Variants in SLC6A2 observed in about 807,000 individuals in gnomAD.
SLC6A2 encodes the protein sodium-dependent noradrenaline transporter.
SLC6A2 carries 26 observed loss-of-function variants against 71.7 expected under a neutral mutation model. That is an observed-to-expected ratio of 0.36 (90% CI 0.27 to 0.50). The LOEUF (loss-of-function observed/expected upper bound fraction) is 0.50, where lower values mean the gene tolerates loss of function less well. Among genes scored for constraint, SLC6A2 ranks in the 20% least tolerant of loss-of-function variants. The pLI is 0.96. For synonymous variants in SLC6A2, 363 were observed against 337.9 expected (o/e 1.07, Z -0.82); for missense variants, 581 against 803.9 (o/e 0.72, Z 3.35).
Position 55,706,151 on chromosome 16 carries a change from A to G in SLC6A2, c.*3805A>G, listed in dbSNP as rs1457704123. 6.6e-6 allele frequency: 1 copy of G among 152,262 alleles called. No homozygotes were observed. Among genetic ancestry groups the G allele is most frequent in the African/African-American group, 2.4e-5 (1 of 41,464 alleles). 9.4% of individuals were successfully genotyped at this position (152,262 alleles called of 1,614,324 possible). On this transcript the variant is annotated 3_prime_UTR_variant, in exon 15 of 15. Transcript: ENST00000568943. ...TTAAAAGTTGTTCTCTTTGTGGAAT[A>G]TAAGTGTACAGAATAATAAATAATG...
chr16:55,664,924 A>C (rs1432383426), intron 2 of SLC6A2, among the ~76,000 whole-genome samples: 2 of 152,074 alleles, frequency 1.3e-5, no homozygotes. Flanking sequence ...CAATACCCGG[A>C]CGGTGGAATT....
intron 3 of SLC6A2, chr16:55,671,542 C>T (rs1475655837): frequency 2.4e-6 from 1 of 412,716 alleles, no homozygotes; most frequent in Non-Finnish European, 4.3e-6. Flanking sequence ...AGTGAAGCTT[C>T]ATCTGTATTT....
intron 2 of SLC6A2, among the ~76,000 whole-genome samples, chr16:55,657,194 A>T (rs1964481125): frequency 6.6e-6 from 1 of 152,196 alleles, no homozygotes; most frequent in South Asian, 2.1e-4. Flanking sequence ...TTCCAGCGGA[A>T]GTGTCAGGAT....
intron 3 of SLC6A2, among the ~76,000 whole-genome samples, chr16:55,671,034 G>T (rs915867449): frequency 6.6e-6 from 1 of 152,234 alleles, no homozygotes; most frequent in Non-Finnish European, 1.5e-5. Flanking sequence ...GAAGCAGGTG[G>T]CTGAGAGTAG....
At chr16:55,663,053 GC>G (rs1964652662) in intron 2 of SLC6A2, among the ~76,000 whole-genome samples, 1 of 152,176 alleles carries the variant, frequency 6.6e-6, no homozygotes, top group Non-Finnish European at 1.5e-5. Flanking sequence ...CCTATAATGA[GC>G]CCCAGGTTGT....
chr16:55,693,115 G>A (rs1315469746), intron 6 of SLC6A2, among the ~76,000 whole-genome samples: 2 of 152,170 alleles, frequency 1.3e-5, no homozygotes, highest in Admixed American at 6.5e-5. Flanking sequence ...GGCTGGGCGC[G>A]GTGGCTCACG....
intron 6 of SLC6A2, among the ~76,000 whole-genome samples, chr16:55,692,922 T>A (rs1415191874): frequency 6.6e-6 from 1 of 152,202 alleles, no homozygotes; most frequent in African/African-American, 2.4e-5. Context: ...GCATAAGACA[T>A]GAATCAGCCT....
intron 10 of SLC6A2, 142 bp downstream of exon 10, chr16:55,698,167 C>T: frequency 2.2e-6 from 2 of 915,454 alleles, no homozygotes; most frequent in Non-Finnish European, 3.5e-6. Context: ...GCGGCCTGAC[C>T]CACTAGGGTT....
At chr16:55,661,756 G>T (rs1201297680) in intron 2 of SLC6A2, among the ~76,000 whole-genome samples, 1 of 152,178 alleles carries the variant, frequency 6.6e-6, no homozygotes, top group Non-Finnish European at 1.5e-5. Flanking sequence ...GGTAAATGGG[G>T]TTTATAATTC....
In SLC6A2 at chr16:55,704,173, T is replaced by TGTTC. The variant is rs1966053014; in HGVS notation, c.*1830_*1831insCGTT. ...TCTTTTCGTTTTTTGTTTTTGTTTTTGTTTGTTTGTTTGTTTGTTTGTAAT... is the reference window on the plus strand; with the variant it reads ...TCTTTTCGTTTTTTGTTTTTGTTTTTGTTCGTTTGTTTGTTTGTTTGTTTGTAAT... On this transcript the variant is annotated 3_prime_UTR_variant, in exon 15 of 15. Transcript: ENST00000568943. 1 of 137,050 alleles carries TGTTC rather than the reference T, an allele frequency of 7.3e-6. No homozygotes were observed. Among genetic ancestry groups the TGTTC allele is most frequent in the South Asian group, 2.1e-4 (1 of 4,778 alleles). The allele number at this position is 137,050 out of a possible 1,614,324, so 8.5% of individuals were successfully genotyped here. A position where few individuals can be genotyped will look rare whatever the true frequency, so the allele number is the denominator to read the frequency against.
intron 6 of SLC6A2, 144 bp from the exon 7 acceptor site, chr16:55,693,866 G>T: frequency 4.1e-6 from 3 of 734,744 alleles, no homozygotes; most frequent in Non-Finnish European, 7.5e-6. Flanking sequence ...AGGGGAGGGA[G>T]TTGCCAGGGC....
Position 55,691,973 on chromosome 16 carries a change from A to C in SLC6A2, c.839A>C (p.His280Pro). ...TTCGTGCTGTTCGTGCTCCTGGTCC[A>C]TGGCGTCACGCTGCCCGGAGCCTCC... ...PYFVLFVLLVHGVTLPGASNG... is the reference protein window; with the variant it reads ...PYFVLFVLLVPGVTLPGASNG... The change falls in exon 6 of 15, where the codon CAT becomes CCT. Residue 280 changes from histidine to proline, a missense_variant. Physicochemically the swap from His to Pro is moderately conservative, Grantham distance 77. Around this residue, in one of 5 missense-constraint regions of SLC6A2, gnomAD observed 334 missense variants for 449.0 expected, o/e 0.74. Transcript: ENST00000568943. The C allele has an allele frequency of 1.2e-6, 2 of 1,614,174 alleles. No homozygotes were observed. Among genetic ancestry groups the C allele is most frequent in the Non-Finnish European group, 1.7e-6 (2 of 1,180,030 alleles).
At chr16:55,702,056 C>A (rs1355279311) in intron 14 of SLC6A2, 122 bp downstream of exon 14, 6 of 849,540 alleles carry the variant, frequency 7.1e-6, no homozygotes, top group East Asian at 2.5e-5. Context: ...TGTGAGCTGC[C>A]TTTTCCCCTT....
Position 55,702,558 on chromosome 16 carries a change from G to A in SLC6A2, c.*212G>A. 1 of 1,457,098 alleles carries A rather than the reference G, an allele frequency of 6.9e-7. No individual in the cohort carries two copies. Among genetic ancestry groups the A allele is most frequent in the East Asian group, 2.5e-5 (1 of 39,772 alleles). 90.3% of individuals were successfully genotyped at this position (1,457,098 alleles called of 1,614,324 possible). On this transcript the variant is annotated 3_prime_UTR_variant, in exon 15 of 15. Transcript: ENST00000568943. ...CTGGGGGCTGTTAGCTCAGAGGAGA[G>A]GAGCAAACAGGAAAATGACTTCTGT...
intron 4 of SLC6A2, among the ~76,000 whole-genome samples, chr16:55,680,152 G>T (rs1221958785): frequency 1.3e-5 from 2 of 152,206 alleles, no homozygotes; most frequent in African/African-American, 4.8e-5. Flanking sequence ...CAGGAGAGTG[G>T]CAAGGTTAGA....
chr16:55,702,370 A>G lies in SLC6A2; in HGVS notation c.*24A>G, dbSNP rs1394311440. ...GAGCCTGCCTGGAGGAGAAGGAGGA[A>G]CCCCCATGCCAATGTCCAGGTCACA... On this transcript the variant is annotated 3_prime_UTR_variant, in exon 15 of 15. Transcript: ENST00000568943. 1 of 1,613,910 alleles carries G rather than the reference A, an allele frequency of 6.2e-7. No homozygotes were observed. Among genetic ancestry groups the G allele is most frequent in the Non-Finnish European group, 8.5e-7 (1 of 1,179,968 alleles).
rs1353218081 is a variant in SLC6A2, at chr16:55,702,540, C to A, written c.*194C>A. 5 of 1,492,742 alleles carry A rather than the reference C, an allele frequency of 3.3e-6. No individual in the cohort carries two copies. Among genetic ancestry groups the A allele is most frequent in the Non-Finnish European group, 4.5e-6 (5 of 1,118,986 alleles). The allele number at this position is 1,492,742 out of a possible 1,614,324, so 92.5% of individuals were successfully genotyped here. A position where few individuals can be genotyped will look rare whatever the true frequency, so the allele number is the denominator to read the frequency against. ...ACCTTCTGTGCATCTGGCCTGGGGG[C>A]TGTTAGCTCAGAGGAGAGGAGCAAA... On this transcript the variant is annotated 3_prime_UTR_variant, in exon 15 of 15. Coordinates refer to ENST00000568943, the MANE Select transcript of SLC6A2 (RefSeq NM_001172501.3).
rs1170138963 is a variant in SLC6A2 at position 55,672,190 on chromosome 16, C to T, written c.644+15C>T. On this transcript the variant is annotated intron_variant, in intron 4 of 14. Coordinates refer to ENST00000568943, the MANE Select transcript of SLC6A2 (RefSeq NM_001172501.3). Reference sequence around the variant, plus strand: ...GAGTTTTATGAGTAAGTCACAGACCCCTTGTGCTGGGCCTGTTGAGGCCAG... The same window carrying T: ...GAGTTTTATGAGTAAGTCACAGACCTCTTGTGCTGGGCCTGTTGAGGCCAG... The T allele has an allele frequency of 6.2e-7, 1 of 1,614,122 alleles. No homozygotes were observed. Among genetic ancestry groups the T allele is most frequent in the Admixed American group, 1.7e-5 (1 of 60,016 alleles).
chr16:55,698,166 C>T, intron 10 of SLC6A2, 141 bp downstream of exon 10: 1 of 921,318 alleles, frequency 1.1e-6, no homozygotes, highest in East Asian at 2.4e-5. Context: ...AGCGGCCTGA[C>T]CCACTAGGGT....
Sources: allele counts gnomAD v4.1 joint callset (sites outside exome capture counted in the v4.1 genomes callset), GRCh38; gene constraint gnomAD v4.1.1; regional missense constraint gnomAD v4.1.1; transcripts MANE v1.5; gene names NCBI Gene and HGNC (gene_info 2026-07-23, HGNC 2026-07-21).